DACH1: variants seen among roughly 807,000 people sequenced by gnomAD.
DACH1 encodes the protein dachshund family transcription factor 1, also known as dachshund homolog 1.
DACH1 carries 12 observed loss-of-function variants against 54.2 expected under a neutral mutation model. The observed-to-expected ratio is 0.22, with a 90% CI of 0.14 to 0.36. The LOEUF is 0.36. Among genes scored for constraint, DACH1 ranks in the 10% least tolerant of loss-of-function variants. The probability of loss-of-function intolerance (pLI) is 1.00; values close to 1 mark genes in which losing one functional copy is unlikely to be tolerated. For synonymous variants in DACH1, 386 were observed against 366.2 expected, an observed-to-expected ratio of 1.05 and a Z score of -0.62; for missense variants, 805 against 929.8, an observed-to-expected ratio of 0.87 and a Z score of 1.75.
intron 3 of DACH1, among the ~76,000 whole-genome samples, chr13:71,619,751 G>A (rs1876067570): frequency 6.6e-6 from 1 of 151,920 alleles, no homozygotes; most frequent in Non-Finnish European, 1.5e-5. Flanking sequence ...TGGGGTTTGT[G>A]TATGAGTGTC....
At chr13:71,729,690 C>T (rs1192711602) in intron 1 of DACH1, among the ~76,000 whole-genome samples, 1 of 152,030 alleles carries the variant, frequency 6.6e-6, no homozygotes, top group Admixed American at 6.5e-5. Context: ...ATAAAATATG[C>T]ATATGTGAAT....
chr13:71,734,193 G>A (rs150251719), intron 1 of DACH1, among the ~76,000 whole-genome samples: 801 of 26,976 alleles, frequency 0.03, 54 homozygotes, highest in African/African-American at 0.11. Context: ...TCCCATATAC[G>A]TATACCCATA....
At chr13:71,626,635 A>G (rs1876664946) in intron 3 of DACH1, among the ~76,000 whole-genome samples, 1 of 152,054 alleles carries the variant, frequency 6.6e-6, no homozygotes, top group African/African-American at 2.4e-5. Flanking sequence ...CTGTCACAAG[A>G]TAGTACTTGA....
chr13:71,827,258 G>T (rs1888416875), intron 1 of DACH1, among the ~76,000 whole-genome samples: 1 of 151,914 alleles, frequency 6.6e-6, no homozygotes, highest in African/African-American at 2.4e-5. Context: ...TTGTTTCCAG[G>T]GATGCAGGCG....
intron 6 of DACH1, among the ~76,000 whole-genome samples, chr13:71,551,762 T>G (rs1400502367): frequency 6.6e-6 from 1 of 152,066 alleles, no homozygotes; most frequent in Non-Finnish European, 1.5e-5. Context: ...ATGAAAATGG[T>G]CCATAAGATT....
chr13:71,822,326 C>G (rs1247286481), intron 1 of DACH1, among the ~76,000 whole-genome samples: 1 of 152,182 alleles, frequency 6.6e-6, no homozygotes, highest in Non-Finnish European at 1.5e-5. Context: ...CATGGATTAA[C>G]ACCTGTGCCA....
intron 1 of DACH1, among the ~76,000 whole-genome samples, chr13:71,775,189 C>G (rs1473075279): frequency 8.0e-6 from 1 of 125,248 alleles, no homozygotes; most frequent in African/African-American, 3.0e-5. Context: ...TGTAATCCTA[C>G]CTACTCAGGA....
chr13:71,503,285 A>G (rs1374108829), intron 6 of DACH1, among the ~76,000 whole-genome samples: 1 of 152,188 alleles, frequency 6.6e-6, no homozygotes, highest in African/African-American at 2.4e-5. Flanking sequence ...AACTCAGTCC[A>G]TTTATTCACC....
chr13:71,662,140 T>C lies in DACH1; in HGVS notation c.964+19655A>G, dbSNP rs186587149. Among the ~76,000 whole-genome samples, 666 of 152,080 alleles carry C rather than the reference T, an allele frequency of 4.4e-3. 4 individuals are homozygous for C. Among genetic ancestry groups the C allele is most frequent in the Admixed American group, 7.1e-3 (109 of 15,250 alleles). ...AGGCTGCTGCCAAAACAAAGCAATA[T>C]GTAGAGTTTGTCAGCAGCCACACAG... On this transcript the variant is annotated intron_variant, in intron 2 of 10. Transcript: ENST00000613252.
chr13:71,514,566 A>T (rs1021452890), intron 6 of DACH1, among the ~76,000 whole-genome samples: 5 of 151,850 alleles, frequency 3.3e-5, no homozygotes, highest in African/African-American at 7.2e-5. Flanking sequence ...CTTTGTTAAT[A>T]CCAATTGTGT....
intron 6 of DACH1, among the ~76,000 whole-genome samples, chr13:71,498,496 CTTGAG>C (rs1323331738): frequency 6.6e-6 from 1 of 152,076 alleles, no homozygotes; most frequent in Non-Finnish European, 1.5e-5. Flanking sequence ...CAGACATTAT[CTTGAG>C]TTAAGAGGAA....
At chr13:71,575,924 C>A (rs546793516) in intron 3 of DACH1, among the ~76,000 whole-genome samples, 2 of 151,992 alleles carry the variant, frequency 1.3e-5, no homozygotes, top group Non-Finnish European at 2.9e-5. Flanking sequence ...TTATAACATC[C>A]TTTTCCTCTA....
intron 1 of DACH1, among the ~76,000 whole-genome samples, chr13:71,858,503 A>G (rs1218669561): frequency 6.6e-6 from 1 of 151,798 alleles, no homozygotes; most frequent in African/African-American, 2.4e-5. Context: ...TGTCAAAAAT[A>G]TAGGCTATCT....
intron 3 of DACH1, among the ~76,000 whole-genome samples, chr13:71,583,313 T>C (rs1872979517): frequency 6.6e-6 from 1 of 152,078 alleles, no homozygotes; most frequent in Non-Finnish European, 1.5e-5. Flanking sequence ...TTTGTTTCTT[T>C]TTTGCAAAAA....
At chr13:71,826,188 G>T (rs978024536) in intron 1 of DACH1, among the ~76,000 whole-genome samples, 1 of 151,968 alleles carries the variant, frequency 6.6e-6, no homozygotes, top group Admixed American at 6.6e-5. Context: ...AAACATATTT[G>T]CCAACTTTAT....
At chr13:71,553,944 T>C (rs1372964565) in intron 6 of DACH1, among the ~76,000 whole-genome samples, 1 of 151,890 alleles carries the variant, frequency 6.6e-6, no homozygotes, top group Admixed American at 6.6e-5. Flanking sequence ...ATCAGTGTTT[T>C]CTAAAGAATT....
chr13:71,745,968 C>A (rs111260888), intron 1 of DACH1, among the ~76,000 whole-genome samples: 4 of 152,228 alleles, frequency 2.6e-5, no homozygotes, highest in Non-Finnish European at 5.9e-5. Context: ...GCCTGTAATC[C>A]CAGCACTTTC....
chr13:71,825,633 T>C lies in DACH1; in HGVS notation c.848+40289A>G, dbSNP rs902729749. On this transcript the variant is annotated intron_variant, in intron 1 of 10. Coordinates refer to ENST00000613252, the MANE Select transcript of DACH1 (RefSeq NM_080759.6). The stretch of plus-strand genomic sequence containing the variant: ...CCCATGTTGTACCATGTATCAGCAC[T>C]TTATTTCTTATTAATACCGAGTAAT... 3.3e-5 allele frequency among the ~76,000 whole-genome samples: 5 copies of C among 152,130 alleles called. No homozygotes were observed. In the East Asian group the frequency reaches 9.6e-4, roughly 29 times the overall value.
At chr13:71,698,544 G>T (rs926309853) in intron 1 of DACH1, among the ~76,000 whole-genome samples, 2 of 151,346 alleles carry the variant, frequency 1.3e-5, no homozygotes, top group Non-Finnish European at 2.9e-5. Context: ...GAGAGAGAGA[G>T]AATATGCAAA....
Sources: gnomAD v4.1 joint callset for allele counts (sites outside exome capture counted in the v4.1 genomes callset) on GRCh38, gnomAD v4.1.1 for gene constraint, MANE v1.5 for transcripts, NCBI Gene and HGNC (gene_info 2026-07-23, HGNC 2026-07-21) for gene names.